SCRT2: variants seen among roughly 807,000 people sequenced by gnomAD.
The protein encoded by SCRT2 is transcriptional repressor scratch 2.
In SCRT2, 2 loss-of-function variants were observed where a neutral mutation model predicts 3.7. The observed-to-expected ratio is 0.54, with a 90% confidence interval of 0.22 to 1.70. The LOEUF (loss-of-function observed/expected upper bound fraction) is 1.70. SCRT2 is among the 40% of genes most tolerant of loss of function. The pLI, the probability that SCRT2 is intolerant of heterozygous loss-of-function variation, is 0.19. For missense variants in SCRT2, 456 were observed against 468.5 expected, an observed-to-expected ratio of 0.97 and a Z score of 0.25; for synonymous variants, 256 against 220.6, an observed-to-expected ratio of 1.16 and a Z score of -1.42.
In SCRT2 at chr20:664,327, T is replaced by C; in HGVS notation, c.268A>G (p.Ser90Gly). The change falls in exon 2 of 2, where the codon AGC (serine) becomes GGC (glycine). Residue 90 changes from serine to glycine, a missense_variant. This residue lies in a region of SCRT2 where 306 missense variants were observed against 305.3 expected (regional missense o/e 1.00). Coordinates refer to ENST00000246104, the MANE Select transcript of SCRT2 (RefSeq NM_033129.4). The surrounding 1 kb of genome is among the most constrained non-coding windows in gnomAD (Gnocchi z 7.9). ...EYSDPESPQSSLSARYFRGEA... is the reference protein window; with the variant it reads ...EYSDPESPQSGLSARYFRGEA... ...CCTCGGAAGTAGCGCGCCGACAGGC[T>C]CGACTGCGGGCTTTCGGGGTCGCTG... 1 of 1,504,344 alleles carries C rather than the reference T, an allele frequency of 6.6e-7. No individual in the cohort carries two copies. The highest frequency in any genetic ancestry group is 8.9e-7 in the Non-Finnish European group (1 of 1,117,430). 93.2% of individuals were successfully genotyped at this position (1,504,344 alleles called of 1,614,324 possible).
rs1984171270 is a variant in SCRT2 at position 666,899 on chromosome 20, G to T, written c.134-2438C>A. On this transcript the variant is annotated intron_variant, in intron 1 of 1. Transcript: ENST00000246104. The surrounding 1 kb of genome is among the most constrained non-coding windows in gnomAD (Gnocchi z 4.4). ...ATTCCAGCTGAGTGCCTTTGGGTGG[G>T]TTGTGCTTCAGGTCCTTTTTTTTTA... Among the ~76,000 whole-genome samples the T allele has an allele frequency of 6.6e-6, 1 of 152,188 alleles. No individual in the cohort carries two copies. Among genetic ancestry groups the T allele is most frequent in the Non-Finnish European group, 1.5e-5 (1 of 68,020 alleles).
At chr20:672,960 C>T (rs1002350793) in intron 1 of SCRT2, among the ~76,000 whole-genome samples, 14 of 152,058 alleles carry the variant, frequency 9.2e-5, no homozygotes, top group African/African-American at 3.4e-4. Context: ...CCCCCAGCAC[C>T]CTCCACCCGC....
intron 1 of SCRT2, among the ~76,000 whole-genome samples, chr20:669,937 A>G (rs1415258325): frequency 6.6e-6 from 1 of 152,160 alleles, no homozygotes; most frequent in Non-Finnish European, 1.5e-5. Flanking sequence ...CAGGGGACAG[A>G]GTGAGGTCTG....
Position 675,484 on chromosome 20 carries a change from GC to G in SCRT2, c.117del (p.Pro40LeufsTer63), listed in dbSNP as rs1239737797. The G allele has an allele frequency of 1.1e-5, 15 of 1,357,874 alleles. No individual in the cohort carries two copies. The highest frequency in any genetic ancestry group is 1.0e-4 in the Admixed American group (3 of 29,060). The allele number at this position is 1,357,874 out of a possible 1,614,324, so 84.1% of individuals were successfully genotyped here. ...ETAYVLPGAR[G>X]PPGDNGYAPH... is the part of the protein sequence containing the mutation. ...TCCCACTCACCGTTGTCCCCGGGAGGCCCCCGGGCGCCAGGCAGCACGTAGG... is the reference window on the plus strand; with the variant it reads ...TCCCACTCACCGTTGTCCCCGGGAGGCCCCGGGCGCCAGGCAGCACGTAGG... On this transcript the variant is annotated frameshift_variant, in exon 1 of 2. Transcript: ENST00000246104. LOFTEE classifies it low-confidence loss of function (END_TRUNC). The surrounding 1 kb of genome is among the most constrained non-coding windows in gnomAD (Gnocchi z 6.9).
In SCRT2 at chr20:664,144, C is replaced by G; in HGVS notation, c.451G>C (p.Gly151Arg). Residue 151 changes from glycine (G) to arginine (R), a missense_variant, in exon 2 of 2, where the codon GGC becomes CGC. This residue lies in a region of SCRT2 where 306 missense variants were observed against 305.3 expected (regional missense o/e 1.00). Coordinates refer to ENST00000246104, the MANE Select transcript of SCRT2 (RefSeq NM_033129.4). The surrounding 1 kb of genome is among the most constrained non-coding windows in gnomAD (Gnocchi z 7.9). Reference sequence around the variant, plus strand: ...TCGGCGCACGCGTGCCGGTGCCCGCCGCCCGCCTGCGCCCCCGCGCGCCCC... The same window carrying G: ...TCGGCGCACGCGTGCCGGTGCCCGCGGCCCGCCTGCGCCCCCGCGCGCCCC... ...RAGRAGAQAG[G>R]GHRHACAECG... is the part of the protein sequence containing the mutation. The G allele has an allele frequency of 7.6e-7, 1 of 1,315,614 alleles. No individual in the cohort carries two copies. The highest frequency in any genetic ancestry group is 2.9e-4 in the Middle Eastern group (1 of 3,494). 81.5% of individuals were successfully genotyped at this position (1,315,614 alleles called of 1,614,324 possible).
chr20:672,781 A>C (rs1451438209), intron 1 of SCRT2, among the ~76,000 whole-genome samples: 3 of 115,172 alleles, frequency 2.6e-5, no homozygotes, highest in Non-Finnish European at 3.4e-5. Flanking sequence ...CCCTCTCCTC[A>C]TCTTCCCCCC....
chr20:675,710 G>A lies in SCRT2; in HGVS notation c.-109C>T. On this transcript the variant is annotated 5_prime_UTR_variant, in exon 1 of 2. Transcript: ENST00000246104. The surrounding 1 kb of genome is among the most constrained non-coding windows in gnomAD (Gnocchi z 6.9). ...CAGCTCCCAGCGGGCTGGAGCGCGG[G>A]AGGCCGCTCGGAGCCGGCACCGGTG... 1 of 811,262 alleles carries A rather than the reference G, an allele frequency of 1.2e-6. No individual in the cohort carries two copies. Among genetic ancestry groups the A allele is most frequent in the Non-Finnish European group, 1.6e-6 (1 of 619,530 alleles). The allele number at this position is 811,262 out of a possible 1,614,324, so 50.3% of individuals were successfully genotyped here.
chr20:664,225 C>T lies in SCRT2; in HGVS notation c.370G>A (p.Gly124Arg). The change falls in exon 2 of 2, where the codon GGG (glycine) becomes AGG (arginine). Residue 124 changes from glycine (G) to arginine (R), a missense_variant. By Grantham distance (125) the Gly-to-Arg change is moderately radical. Transcript: ENST00000246104. This position sits in a 1 kb window ranked among gnomAD's most constrained non-coding sequence, Gnocchi z 7.9. ...SDGRSRRRRG[G>R]GGGDAGGSGD... ...GAGCCCCCCGCGTCCCCGCCGCCCC[C>T]GCCCCGCCGCCGCCGCGAGCGCCCG... 2 of 1,290,112 alleles carry T rather than the reference C, an allele frequency of 1.6e-6. No homozygotes were observed. 79.9% of individuals were successfully genotyped at this position (1,290,112 alleles called of 1,614,324 possible).
chr20:662,045 A>C lies in SCRT2; in HGVS notation c.*1626T>G, dbSNP rs895080974. The C allele has an allele frequency of 2.0e-5, 3 of 152,876 alleles. No individual in the cohort carries two copies. The highest frequency in any genetic ancestry group is 1.9e-4 in the East Asian group (1 of 5,162). 9.5% of individuals were successfully genotyped at this position (152,876 alleles called of 1,614,324 possible). ...GGGCAGAGGCGTGTGCTTAAAGCGG[A>C]GGGGGCCAGGGCCCGTGCGCGTGGA... is the stretch of plus-strand genomic sequence containing the variant. On this transcript the variant is annotated 3_prime_UTR_variant, in exon 2 of 2. Coordinates refer to ENST00000246104, the MANE Select transcript of SCRT2 (RefSeq NM_033129.4).
In SCRT2 at chr20:663,563, C is replaced by A. The variant is rs1258216961; in HGVS notation, c.*108G>T. ...GGGCCGGGGGTCCCCACGAGAGGGTCATGGGCAGGGAAACGCAGCCGGGGC... is the reference window on the plus strand; with the variant it reads ...GGGCCGGGGGTCCCCACGAGAGGGTAATGGGCAGGGAAACGCAGCCGGGGC... On this transcript the variant is annotated 3_prime_UTR_variant, in exon 2 of 2. Coordinates refer to ENST00000246104, the MANE Select transcript of SCRT2 (RefSeq NM_033129.4). This position sits in a 1 kb window ranked among gnomAD's most constrained non-coding sequence, Gnocchi z 6.9. 2 of 1,095,636 alleles carry A rather than the reference C, an allele frequency of 1.8e-6. No homozygotes were observed. Among genetic ancestry groups the A allele is most frequent in the Non-Finnish European group, 2.4e-6 (2 of 851,008 alleles). The allele number at this position is 1,095,636 out of a possible 1,614,324, so 67.9% of individuals were successfully genotyped here.
At chr20:672,418 T>TGCGC (rs1305272939) in intron 1 of SCRT2, among the ~76,000 whole-genome samples, 1 of 133,208 alleles carries the variant, frequency 7.5e-6, no homozygotes, top group African/African-American at 2.7e-5. Flanking sequence ...TGTGTGTGTG[T>TGCGC]GTGTGCGCGC....
Position 675,763 on chromosome 20 carries a change from T to TGGGCTTGGC in SCRT2, c.-163_-162insGCCAAGCCC, listed in dbSNP as rs146589074. 7.6e-6 allele frequency: 2 copies of TGGGCTTGGC among 262,684 alleles called. No individual in the cohort carries two copies. The highest frequency in any genetic ancestry group is 1.3e-5 in the Non-Finnish European group (2 of 151,342). The allele number at this position is 262,684 out of a possible 1,614,324, so 16.3% of individuals were successfully genotyped here. ...GGCGGCCCCGGCTCGGGCTCGGGCTTGGCGGCGGCGGCGCGCAGACAGGGG... is the reference window on the plus strand; with the variant it reads ...GGCGGCCCCGGCTCGGGCTCGGGCTTGGGCTTGGCGGCGGCGGCGGCGCGCAGACAGGGG... On this transcript the variant is annotated 5_prime_UTR_variant, in exon 1 of 2. Coordinates refer to ENST00000246104, the MANE Select transcript of SCRT2 (RefSeq NM_033129.4). This position sits in a 1 kb window ranked among gnomAD's most constrained non-coding sequence, Gnocchi z 6.9.
rs776775279 is a variant in SCRT2 at position 664,354 on chromosome 20, A to G, written c.241T>C (p.Tyr81His). 2.0e-6 allele frequency: 3 copies of G among 1,472,228 alleles called. No individual in the cohort carries two copies. Among genetic ancestry groups the G allele is most frequent in the Admixed American group, 2.0e-5 (1 of 50,260 alleles). 91.2% of individuals were successfully genotyped at this position (1,472,228 alleles called of 1,614,324 possible). A position where few individuals can be genotyped will look rare whatever the true frequency, so the allele number is the denominator to read the frequency against. ...GACTGCGGGCTTTCGGGGTCGCTGT[A>G]CTCCTCCGGCGCCGCCGGCGGGTAC... The part of the protein sequence containing the change: ...PAYPPAAPEE[Y>H]SDPESPQSSL... The change falls in exon 2 of 2, where the codon TAC (tyrosine) becomes CAC (histidine). Residue 81 changes from tyrosine to histidine, a missense_variant. Physicochemically the swap from Tyr to His is moderately conservative, Grantham distance 83. Coordinates refer to ENST00000246104, the MANE Select transcript of SCRT2 (RefSeq NM_033129.4). The surrounding 1 kb of genome is among the most constrained non-coding windows in gnomAD (Gnocchi z 7.9).
Position 675,542 on chromosome 20 carries a change from C to T in SCRT2, c.60G>A (p.Val20=). 1.4e-6 allele frequency: 2 copies of T among 1,392,546 alleles called. No individual in the cohort carries two copies. Among genetic ancestry groups the T allele is most frequent in the South Asian group, 1.8e-5 (1 of 55,008 alleles). 86.3% of individuals were successfully genotyped at this position (1,392,546 alleles called of 1,614,324 possible). ...CCAAGGGGTGGTAGGTGGGGGCCGG[C>T]ACCCCGCTGCACTGGAAGCCGTCCC... ...IKGDGFQCSG[V]PAPTYHPLET... Residue 20 remains valine (V), a synonymous_variant, in exon 1 of 2, where the codon GTG becomes GTA. Coordinates refer to ENST00000246104, the MANE Select transcript of SCRT2 (RefSeq NM_033129.4). The surrounding 1 kb of genome is among the most constrained non-coding windows in gnomAD (Gnocchi z 6.9).
chr20:669,805 T>C (rs1280546187), intron 1 of SCRT2, among the ~76,000 whole-genome samples: 1 of 152,162 alleles, frequency 6.6e-6, no homozygotes, highest in African/African-American at 2.4e-5. Flanking sequence ...CCCCCTCCCC[T>C]TATTATAGCA....
chr20:671,623 T>C (rs1205059667), intron 1 of SCRT2, among the ~76,000 whole-genome samples: 1 of 152,216 alleles, frequency 6.6e-6, no homozygotes, highest in East Asian at 1.9e-4. Context: ...CTGGAGCGAC[T>C]ACCCGGCACC....
In SCRT2 at chr20:671,395, G is replaced by A. The variant is rs182228558; in HGVS notation, c.133+4074C>T. On this transcript the variant is annotated intron_variant, in intron 1 of 1. Coordinates refer to ENST00000246104, the MANE Select transcript of SCRT2 (RefSeq NM_033129.4). ...TGACATGTCTTTAACCTGGACCTTG[G>A]ACCTGGACCAAGGCCAAGTTACCAG... is the stretch of plus-strand genomic sequence containing the variant. 5.9e-5 allele frequency among the ~76,000 whole-genome samples: 9 copies of A among 152,292 alleles called. No homozygotes were observed. In the East Asian group the frequency reaches 1.7e-3, roughly 29 times the overall value.
rs1433412380 is a variant in SCRT2 at position 663,419 on chromosome 20, G to A, written c.*252C>T. ...CTGAGTTGGGAGCCTTGAAGGCGCG[G>A]ACAGGGGGGTCAAGGTCCGAGGGAT... On this transcript the variant is annotated 3_prime_UTR_variant, in exon 2 of 2. Transcript: ENST00000246104. The surrounding 1 kb of genome is among the most constrained non-coding windows in gnomAD (Gnocchi z 6.9). The A allele has an allele frequency of 5.3e-6, 2 of 376,720 alleles. No individual in the cohort carries two copies. The highest frequency in any genetic ancestry group is 4.7e-5 in the Admixed American group (1 of 21,236). 23.3% of individuals were successfully genotyped at this position (376,720 alleles called of 1,614,324 possible).
Position 663,699 on chromosome 20 carries a change from G to C in SCRT2, c.896C>G (p.Pro299Arg), listed in dbSNP as rs1984040501. The change falls in exon 2 of 2, where the codon CCG becomes CGG. Residue 299 changes from proline to arginine, a missense_variant. By Grantham distance (103) the Pro-to-Arg change is moderately radical. Around this residue, in one of 3 missense-constraint regions of SCRT2, gnomAD observed 144 missense variants for 141.9 expected, o/e 1.01. Coordinates refer to ENST00000246104, the MANE Select transcript of SCRT2 (RefSeq NM_033129.4). This position sits in a 1 kb window ranked among gnomAD's most constrained non-coding sequence, Gnocchi z 6.9. The stretch of plus-strand genomic sequence containing the variant: ...GCTGGCCGGGCCGGCGGGGGTCGGC[G>C]GGGGTGGCTCGGCCGCCTTGGCGCA... Reference protein sequence around the residue: ...AACAKAAEPPPPTPAGPAS With the variant: ...AACAKAAEPPRPTPAGPAS 1.3e-6 allele frequency: 2 copies of C among 1,515,598 alleles called. No individual in the cohort carries two copies. The highest frequency in any genetic ancestry group is 2.0e-5 in the Admixed American group (1 of 49,984). 93.9% of individuals were successfully genotyped at this position (1,515,598 alleles called of 1,614,324 possible). A position where few individuals can be genotyped will look rare whatever the true frequency, so the allele number is the denominator to read the frequency against.
Sources: allele counts gnomAD v4.1 joint callset (sites outside exome capture counted in the v4.1 genomes callset), GRCh38; gene constraint gnomAD v4.1.1; regional missense constraint gnomAD v4.1.1; non-coding constraint Gnocchi (gnomAD v3.1); transcripts MANE v1.5; gene names NCBI Gene and HGNC (gene_info 2026-07-23, HGNC 2026-07-21).